Variants in GALNT17 observed in about 807,000 individuals in gnomAD.
GALNT17 encodes the protein polypeptide N-acetylgalactosaminyltransferase 17.
A neutral mutation model predicts 63.7 loss-of-function variants in GALNT17; 29 were observed. The ratio of observed to expected loss-of-function variants is 0.46; its 90% confidence interval spans 0.34 to 0.62. The LOEUF (loss-of-function observed/expected upper bound fraction) is 0.62, where lower values mean the gene tolerates loss of function less well. Ranked by LOEUF, GALNT17 falls within the 20% of genes least tolerant of loss-of-function variation. GALNT17 has a pLI of 0.01. For missense variants in GALNT17, 603 were observed against 799.6 expected (o/e 0.75, Z 2.97); for synonymous variants, 305 against 318.3 (o/e 0.96, Z 0.45).
chr7:71,416,778 ATAATTC>A (rs1786541621), intron 4 of GALNT17, among the ~76,000 whole-genome samples: 2 of 152,156 alleles, frequency 1.3e-5, no homozygotes. Context: ...AGATATAGTT[ATAATTC>A]TAACTACTCA....
At chr7:71,215,158 G>T (rs1789454620) in intron 1 of GALNT17, among the ~76,000 whole-genome samples, 1 of 152,130 alleles carries the variant, frequency 6.6e-6, no homozygotes, top group Admixed American at 6.5e-5. Context: ...AGTGTTCTCT[G>T]CATAACACTG....
intron 5 of GALNT17, among the ~76,000 whole-genome samples, chr7:71,467,292 C>T (rs932128415): frequency 4.0e-4 from 61 of 152,268 alleles, no homozygotes; most frequent in African/African-American, 1.4e-3. Flanking sequence ...TGAGGCCAGG[C>T]CACATGTCTC....
At chr7:71,314,165 T>C (rs1247011886) in intron 1 of GALNT17, among the ~76,000 whole-genome samples, 2 of 152,176 alleles carry the variant, frequency 1.3e-5, no homozygotes, top group Non-Finnish European at 2.9e-5. Flanking sequence ...TTATGTGTAA[T>C]TTATTGCTCT....
chr7:71,669,466 G>A (rs1250075997), intron 7 of GALNT17, among the ~76,000 whole-genome samples: 4 of 151,846 alleles, frequency 2.6e-5, no homozygotes, highest in African/African-American at 7.3e-5. Flanking sequence ...AGATGAGATC[G>A]TGCCACTGCA....
At chr7:71,686,546 T>C (rs1227275576) in intron 9 of GALNT17, among the ~76,000 whole-genome samples, 2 of 13,394 alleles carry the variant, frequency 1.5e-4, no homozygotes, top group Non-Finnish European at 2.5e-3. Context: ...ATACCAGGCT[T>C]TTTTATTTTT....
chr7:71,232,342 C>G (rs974035406), intron 1 of GALNT17, among the ~76,000 whole-genome samples: 1 of 152,088 alleles, frequency 6.6e-6, no homozygotes, highest in Non-Finnish European at 1.5e-5. Flanking sequence ...CTTTTGGGAG[C>G]CTTGGTGGTC....
At chr7:71,434,704 C>A (rs1436543560) in intron 5 of GALNT17, among the ~76,000 whole-genome samples, 2 of 152,138 alleles carry the variant, frequency 1.3e-5, no homozygotes, top group Non-Finnish European at 2.9e-5. Flanking sequence ...CTTAAAACTT[C>A]ACCAGCATTG....
intron 2 of GALNT17, among the ~76,000 whole-genome samples, chr7:71,378,407 G>A (rs1050311157): frequency 5.3e-5 from 8 of 152,140 alleles, no homozygotes; most frequent in African/African-American, 1.9e-4. Flanking sequence ...CCTTGATGAG[G>A]AGGGAAGCAT....
intron 5 of GALNT17, among the ~76,000 whole-genome samples, chr7:71,505,396 C>T (rs1225256638): frequency 6.6e-6 from 1 of 152,068 alleles, no homozygotes; most frequent in Non-Finnish European, 1.5e-5. Flanking sequence ...GCCAAGAGTT[C>T]AAGACCAGCC....
At chr7:71,207,144 C>G (rs144835380) in intron 1 of GALNT17, among the ~76,000 whole-genome samples, 8 of 152,012 alleles carry the variant, frequency 5.3e-5, no homozygotes, top group Non-Finnish European at 5.9e-5. Context: ...GCAGAATCAA[C>G]CAGCCTCACT....
chr7:71,153,790 G>A (rs913547236), intron 1 of GALNT17, among the ~76,000 whole-genome samples: 2 of 151,914 alleles, frequency 1.3e-5, no homozygotes, highest in East Asian at 1.9e-4. Context: ...GGTGGCGGGC[G>A]CCTGTAGTCC....
intron 5 of GALNT17, among the ~76,000 whole-genome samples, chr7:71,422,984 C>T (rs1459482522): frequency 1.3e-5 from 2 of 152,098 alleles, no homozygotes; most frequent in Non-Finnish European, 2.9e-5. Flanking sequence ...TACCCCTGGC[C>T]GAACTCCCCT....
chr7:71,133,541 T>C (rs1481394755), intron 1 of GALNT17, among the ~76,000 whole-genome samples: 1 of 152,166 alleles, frequency 6.6e-6, no homozygotes, highest in Non-Finnish European at 1.5e-5. Context: ...GGGAGGAATA[T>C]GTCATCTGTC....
At chr7:71,542,443 C>T (rs1042352771) in intron 5 of GALNT17, among the ~76,000 whole-genome samples, 2 of 151,884 alleles carry the variant, frequency 1.3e-5, no homozygotes, top group African/African-American at 4.8e-5. Flanking sequence ...GGCACAGTAA[C>T]CCCAGCACTT....
At chr7:71,693,023 G>A (rs1326592864) in intron 9 of GALNT17, among the ~76,000 whole-genome samples, 1 of 151,654 alleles carries the variant, frequency 6.6e-6, no homozygotes, top group South Asian at 2.1e-4. Flanking sequence ...ACCGCACCCA[G>A]CCATAAGTAC....
At chr7:71,558,149 G>C (rs118142284) in intron 5 of GALNT17, among the ~76,000 whole-genome samples, 1 of 152,074 alleles carries the variant, frequency 6.6e-6, no homozygotes, top group Non-Finnish European at 1.5e-5. Context: ...TCTCCTCCAC[G>C]GCTTCATCTT....
At chr7:71,165,474 A>G (rs2116265894) in intron 1 of GALNT17, among the ~76,000 whole-genome samples, 1 of 145,824 alleles carries the variant, frequency 6.9e-6, no homozygotes, top group Middle Eastern at 3.5e-3. Flanking sequence ...ACAAGAGAAG[A>G]GAGAGAAGAG....
intron 5 of GALNT17, among the ~76,000 whole-genome samples, chr7:71,444,461 A>G (rs1385119388): frequency 6.6e-6 from 1 of 151,460 alleles, no homozygotes; most frequent in African/African-American, 2.5e-5. Context: ...AGGCAGCTTC[A>G]TGACACACCC....
intron 2 of GALNT17, among the ~76,000 whole-genome samples, chr7:71,373,548 G>C (rs949342088): frequency 6.6e-6 from 1 of 152,148 alleles, no homozygotes; most frequent in African/African-American, 2.4e-5. Flanking sequence ...TGAGCGGCGG[G>C]TGAGCAAGCG....
Sources: gnomAD v4.1 joint callset for allele counts (sites outside exome capture counted in the v4.1 genomes callset) on GRCh38, gnomAD v4.1.1 for gene constraint, MANE v1.5 for transcripts, NCBI Gene and HGNC (gene_info 2026-07-23, HGNC 2026-07-21) for gene names.